The following ELAVL4 variants were observed in gnomAD, a reference collection of about 807,000 sequenced individuals.
ELAVL4 encodes the protein ELAV-like protein 4.
ELAVL4 carries 1 observed loss-of-function variant against 35.6 expected under a neutral mutation model. That is an observed-to-expected ratio of 0.03 (90% CI 0.01 to 0.13). ELAVL4 has a LOEUF of 0.13. ELAVL4 is among the 10% of genes least tolerant of loss of function. ELAVL4 has a pLI of 1.00. For missense variants in ELAVL4, 267 were observed against 464.9 expected, an observed-to-expected ratio of 0.57 and a Z score of 3.91; for synonymous variants, 156 against 171.0, an observed-to-expected ratio of 0.91 and a Z score of 0.69.
At chr1:50,193,967 C>A (rs1259224461) in intron 4 of ELAVL4, 49 bp downstream of exon 4, 1 of 1,598,070 alleles carries the variant, frequency 6.3e-7, no homozygotes, top group East Asian at 2.2e-5. Context: ...ATGTCATCAG[C>A]CCTGTTACTC....
intron 1 of ELAVL4, among the ~76,000 whole-genome samples, chr1:50,058,922 A>G (rs1474656785): frequency 6.6e-6 from 1 of 152,160 alleles, no homozygotes; most frequent in Non-Finnish European, 1.5e-5. Flanking sequence ...TTCTTTTATT[A>G]TAAGTGTTCT....
At chr1:50,145,346 C>T (rs975400282) in intron 2 of ELAVL4, 149 bp downstream of exon 2, 87 of 1,222,512 alleles carry the variant, frequency 7.1e-5, no homozygotes, top group Non-Finnish European at 9.1e-5. Flanking sequence ...ACACTACATA[C>T]ACCACATAAG....
At chr1:50,053,790 C>T (rs962663844) in intron 1 of ELAVL4, among the ~76,000 whole-genome samples, 1 of 152,032 alleles carries the variant, frequency 6.6e-6, no homozygotes, top group African/African-American at 2.4e-5. Flanking sequence ...TCAAGAAGTG[C>T]GTCATAGAGC....
intron 1 of ELAVL4, among the ~76,000 whole-genome samples, chr1:50,083,504 G>T (rs998125132): frequency 4.6e-5 from 7 of 152,176 alleles, no homozygotes; most frequent in Non-Finnish European, 5.9e-5. Flanking sequence ...AATCAGGTAT[G>T]TCTGACTTCA....
chr1:50,152,759 C>A (rs543625093), intron 2 of ELAVL4, among the ~76,000 whole-genome samples: 1 of 152,200 alleles, frequency 6.6e-6, no homozygotes, highest in South Asian at 2.1e-4. Flanking sequence ...CATTAAGTTG[C>A]TTTTTCGTTT....
chr1:50,146,718 TCAAAC>T (rs2148697646), intron 2 of ELAVL4, among the ~76,000 whole-genome samples: 1 of 152,160 alleles, frequency 6.6e-6, no homozygotes, highest in East Asian at 1.9e-4. Context: ...GGATGATAAT[TCAAAC>T]CAAATTAAAA....
intron 1 of ELAVL4, among the ~76,000 whole-genome samples, chr1:50,129,597 T>A (rs35862191): frequency 3.8e-4 from 58 of 152,242 alleles, no homozygotes; most frequent in Admixed American, 6.5e-4. Flanking sequence ...TTTTTTAGAA[T>A]CCACATAGCC....
chr1:50,078,077 G>C lies in ELAVL4; in HGVS notation c.18+29895G>C, dbSNP rs11205680. 2.3e-3 allele frequency among the ~76,000 whole-genome samples: 347 copies of C among 151,868 alleles called. 5 individuals carry two copies. The highest frequency in any genetic ancestry group is 7.9e-3 in the African/African-American group (328 of 41,316). ...ATAATTGCAAAGTGCTTAGGACAGA[G>C]CCTGGCATTTAGTATACAAATATAT... On this transcript the variant is annotated intron_variant, in intron 1 of 6. Transcript: ENST00000448907.
rs147087400 is a variant in ELAVL4 at position 50,138,759 on chromosome 1, C to A, written c.10-6198C>A. On this transcript the variant is annotated intron_variant, in intron 1 of 6. Transcript: ENST00000371824. ...GGGATTACAGGCATGAGCCACCACA[C>A]CTGGCTAATGAGTGCTTCTTAAAAT... Among the ~76,000 whole-genome samples, 81 of 152,242 alleles carry A rather than the reference C, an allele frequency of 5.3e-4. No homozygotes were observed. The East Asian group carries it at 0.014, about 26-fold the overall frequency.
chr1:50,126,085 G>A (rs973892478), intron 1 of ELAVL4, among the ~76,000 whole-genome samples: 1 of 152,032 alleles, frequency 6.6e-6, no homozygotes, highest in African/African-American at 2.4e-5. Context: ...GTCCCCCTAG[G>A]GTGTGCATTT....
chr1:50,143,042 G>A (rs1303927565), intron 1 of ELAVL4, among the ~76,000 whole-genome samples: 1 of 152,128 alleles, frequency 6.6e-6, no homozygotes, highest in East Asian at 1.9e-4. Context: ...TAAAAAAATA[G>A]GTAAAACAAA....
At chr1:50,126,448 G>A (rs1002882364) in intron 1 of ELAVL4, among the ~76,000 whole-genome samples, 8 of 152,040 alleles carry the variant, frequency 5.3e-5, no homozygotes, top group African/African-American at 1.9e-4. Context: ...GGATGAAGGG[G>A]ATGGATGATT....
At chr1:50,058,271 A>G (rs576997950) in intron 1 of ELAVL4, among the ~76,000 whole-genome samples, 1 of 152,308 alleles carries the variant, frequency 6.6e-6, no homozygotes, top group African/African-American at 2.4e-5. Context: ...ACAAAACCAA[A>G]TTGGGATAAC....
chr1:50,143,523 G>A (rs755821261), intron 1 of ELAVL4, among the ~76,000 whole-genome samples: 11 of 152,114 alleles, frequency 7.2e-5, no homozygotes, highest in South Asian at 2.1e-4. Flanking sequence ...TCATATCACT[G>A]GATCGGTTCT....
At chr1:50,062,498 T>G (rs561683177) in intron 1 of ELAVL4, among the ~76,000 whole-genome samples, 4 of 152,214 alleles carry the variant, frequency 2.6e-5, no homozygotes, top group Non-Finnish European at 5.9e-5. Context: ...ACACCCACCT[T>G]AATTGATATT....
intron 1 of ELAVL4, among the ~76,000 whole-genome samples, chr1:50,126,668 A>G (rs1296608372): frequency 2.0e-5 from 3 of 152,136 alleles, no homozygotes; most frequent in Admixed American, 2.0e-4. Context: ...AATTTCACTG[A>G]TTAAAATCAA....
At chr1:50,115,349 G>C (rs1667766700) in intron 1 of ELAVL4, 1 of 151,968 alleles carries the variant, frequency 6.6e-6, no homozygotes, top group Admixed American at 6.6e-5. Flanking sequence ...TTTTGTGCTT[G>C]CGTTTTTGTT....
intron 2 of ELAVL4, among the ~76,000 whole-genome samples, chr1:50,174,144 G>C (rs1165447740): frequency 6.6e-6 from 1 of 151,962 alleles, no homozygotes; most frequent in African/African-American, 2.4e-5. Flanking sequence ...GTAAAGCTTG[G>C]GTTTTTTTAT....
At chr1:50,167,887 C>T (rs1232343467) in intron 2 of ELAVL4, among the ~76,000 whole-genome samples, 1 of 152,214 alleles carries the variant, frequency 6.6e-6, no homozygotes, top group Non-Finnish European at 1.5e-5. Context: ...TTCTTTGTCA[C>T]CAATTTTGCA....
Sources: allele counts gnomAD v4.1 joint callset (sites outside exome capture counted in the v4.1 genomes callset), GRCh38; gene constraint gnomAD v4.1.1; transcripts MANE v1.5; gene names NCBI Gene and HGNC (gene_info 2026-07-23, HGNC 2026-07-21).